Variants in RBFOX1 observed in about 807,000 individuals in gnomAD.
RBFOX1 encodes the protein RNA binding protein fox-1 homolog 1.
A neutral mutation model predicts 57.7 loss-of-function variants in RBFOX1; 8 were observed. The ratio of observed to expected loss-of-function variants is 0.14; its 90% confidence interval spans 0.08 to 0.25. The LOEUF (loss-of-function observed/expected upper bound fraction) is 0.25. Ranked by LOEUF, RBFOX1 falls within the 10% of genes least tolerant of loss-of-function variation. The pLI, the probability that RBFOX1 is intolerant of heterozygous loss-of-function variation, is 1.00. For synonymous variants in RBFOX1, 326 were observed against 222.4 expected, an observed-to-expected ratio of 1.47 and a Z score of -4.15; for missense variants, 611 against 548.5, an observed-to-expected ratio of 1.11 and a Z score of -1.14.
At chr16:6,702,829 T>A (rs2062063867) in intron 3 of RBFOX1, among the ~76,000 whole-genome samples, 1 of 152,224 alleles carries the variant, frequency 6.6e-6, no homozygotes, top group African/African-American at 2.4e-5. Context: ...TGGCATTAAA[T>A]ACATTCACAT....
At chr16:6,505,790 A>C (rs2096072853) in intron 2 of RBFOX1, among the ~76,000 whole-genome samples, 1 of 152,186 alleles carries the variant, frequency 6.6e-6, no homozygotes. Flanking sequence ...AATTCCTTGG[A>C]GGCAGTGGTT....
intron 1 of RBFOX1, among the ~76,000 whole-genome samples, chr16:6,158,747 G>T (rs1296834702): frequency 1.3e-5 from 2 of 152,158 alleles, no homozygotes; most frequent in Non-Finnish European, 2.9e-5. Context: ...CCAAGTTTCT[G>T]CATTTAAATA....
intron 4 of RBFOX1, among the ~76,000 whole-genome samples, chr16:7,150,258 C>T (rs545388595): frequency 6.6e-6 from 1 of 152,224 alleles, no homozygotes; most frequent in African/African-American, 2.4e-5. Flanking sequence ...AAAGAGACGC[C>T]TCCACCTATC....
intron 1 of RBFOX1, among the ~76,000 whole-genome samples, chr16:6,226,471 T>C (rs921939242): frequency 2.0e-4 from 30 of 151,722 alleles, no homozygotes; most frequent in African/African-American, 6.8e-4. Flanking sequence ...GTAGTGAAAC[T>C]GAGGTCAGGA....
At position 6,004,029 on chromosome 16, in the gene RBFOX1, C is replaced by T. The variant is rs146205494; in HGVS notation, c.351+136694C>T. Among the ~76,000 whole-genome samples the T allele has an allele frequency of 2.9e-3, 434 of 152,232 alleles. 1 individual carries two copies. The highest frequency in any genetic ancestry group is 9.7e-3 in the African/African-American group (402 of 41,548). On this transcript the variant is annotated intron_variant, in intron 4 of 19. Transcript: ENST00000641259. ...GACTAGAAGGCAATGCATACAAGGT[C>T]ATGTTGCACGGTGATTAAGAATATG...
chr16:6,782,003 CTGT>C (rs2081098692), intron 3 of RBFOX1, among the ~76,000 whole-genome samples: 1 of 151,882 alleles, frequency 6.6e-6, no homozygotes, highest in Non-Finnish European at 1.5e-5. Flanking sequence ...TTTGTTGCTG[CTGT>C]TGTTGTTATT....
At chr16:5,588,868 A>G (rs7188844) in intron 2 of RBFOX1, among the ~76,000 whole-genome samples, 31,839 of 152,024 alleles carry the variant, frequency 0.21, 3,812 homozygotes, top group African/African-American at 0.32. Context: ...AGGTGGAGGT[A>G]TTTTACAGGT....
intron 4 of RBFOX1, among the ~76,000 whole-genome samples, chr16:7,247,487 G>A (rs1413535943): frequency 6.6e-6 from 1 of 152,170 alleles, no homozygotes; most frequent in Admixed American, 6.5e-5. Context: ...CTCAGTAAAT[G>A]TTAGCTAAAG....
chr16:6,235,593 T>TGTGTGTGC (rs1174771864), intron 1 of RBFOX1, among the ~76,000 whole-genome samples: 2 of 149,844 alleles, frequency 1.3e-5, no homozygotes, highest in African/African-American at 4.9e-5. Context: ...TGTGTGTGTG[T>TGTGTGTGC]GTATACATGA....
intron 4 of RBFOX1, among the ~76,000 whole-genome samples, chr16:7,214,185 C>T (rs918435256): frequency 1.3e-5 from 2 of 152,142 alleles, no homozygotes; most frequent in East Asian, 3.9e-4. Flanking sequence ...CCACAGTAGA[C>T]CCTTCATTTA....
chr16:6,912,624 A>ATT (rs33931128), intron 3 of RBFOX1, among the ~76,000 whole-genome samples: 1 of 146,694 alleles, frequency 6.8e-6, no homozygotes, highest in Non-Finnish European at 1.5e-5. Flanking sequence ...TGTTATTACT[A>ATT]TTTTTTTTTT....
chr16:7,317,436 ATCACCACTG>A (rs375923682), intron 4 of RBFOX1, among the ~76,000 whole-genome samples: 11 of 152,232 alleles, frequency 7.2e-5, no homozygotes, highest in African/African-American at 2.4e-4. Context: ...CACCACCACT[ATCACCACTG>A]TCACCAATCC....
intron 3 of RBFOX1, among the ~76,000 whole-genome samples, chr16:5,642,140 C>G (rs775862792): frequency 3.9e-5 from 6 of 152,144 alleles, no homozygotes; most frequent in Non-Finnish European, 7.3e-5. Flanking sequence ...GAGTGATTCA[C>G]TTTAGAGGCC....
intron 4 of RBFOX1, among the ~76,000 whole-genome samples, chr16:7,052,941 G>C (rs1448099690): frequency 6.6e-6 from 1 of 152,146 alleles, no homozygotes; most frequent in African/African-American, 2.4e-5. Flanking sequence ...TTTTCAAATT[G>C]TTATAAAAAT....
intron 2 of RBFOX1, among the ~76,000 whole-genome samples, chr16:6,445,019 G>A (rs1042409594): frequency 9.9e-5 from 15 of 152,174 alleles, no homozygotes; most frequent in Non-Finnish European, 2.1e-4. Flanking sequence ...AGTATTCCAG[G>A]CAGGAGATGA....
chr16:6,507,085 G>T (rs150118454), intron 2 of RBFOX1, among the ~76,000 whole-genome samples: 2 of 151,958 alleles, frequency 1.3e-5, no homozygotes, highest in Admixed American at 1.3e-4. Flanking sequence ...TACCTCCAAG[G>T]TACATCCCAA....
At chr16:6,506,498 A>T (rs2096093897) in intron 2 of RBFOX1, among the ~76,000 whole-genome samples, 1 of 152,294 alleles carries the variant, frequency 6.6e-6, no homozygotes, top group Admixed American at 6.5e-5. Context: ...CTATTAAAAA[A>T]GATGCGTCAG....
chr16:7,535,533 G>C (rs1182584300), intron 5 of RBFOX1, among the ~76,000 whole-genome samples: 1 of 152,170 alleles, frequency 6.6e-6, no homozygotes, highest in Non-Finnish European at 1.5e-5. Flanking sequence ...TTCCATGCTG[G>C]AATTAAATTG....
intron 1 of RBFOX1, among the ~76,000 whole-genome samples, chr16:5,303,925 G>A (rs569058881): frequency 1.3e-5 from 2 of 152,278 alleles, no homozygotes; most frequent in African/African-American, 4.8e-5. Context: ...CACCGTGGGA[G>A]TACCTGAGTT....
Sources: gnomAD v4.1 joint callset for allele counts (sites outside exome capture counted in the v4.1 genomes callset) on GRCh38, gnomAD v4.1.1 for gene constraint, MANE v1.5 for transcripts, NCBI Gene and HGNC (gene_info 2026-07-23, HGNC 2026-07-21) for gene names.